Variants in MAF observed in about 807,000 individuals in gnomAD.
The protein encoded by MAF is MAF bZIP transcription factor.
A neutral mutation model predicts 22.0 loss-of-function variants in MAF; 10 were observed. The observed-to-expected ratio is 0.45, with a 90% confidence interval of 0.28 to 0.77. The LOEUF (loss-of-function observed/expected upper bound fraction) is 0.77. Ranked by LOEUF, MAF falls within the 30% of genes least tolerant of loss-of-function variation. The pLI is 0.12. For missense variants in MAF, 544 were observed against 548.4 expected, an observed-to-expected ratio of 0.99 and a Z score of 0.08; for synonymous variants, 337 against 255.8, an observed-to-expected ratio of 1.32 and a Z score of -3.03.
chr16:79,491,831 C>G, the MAF span, among the ~76,000 whole-genome samples: 11 of 152,126 alleles, frequency 7.2e-5, no homozygotes, highest in Non-Finnish European at 1.2e-4. Context: ...ATCTCTTCCT[C>G]TTAAAGAAAT....
the MAF span, among the ~76,000 whole-genome samples, chr16:79,455,983 A>G: frequency 6.6e-6 from 1 of 152,144 alleles, no homozygotes; most frequent in Non-Finnish European, 1.5e-5. Flanking sequence ...TTGCCACTGC[A>G]CTCCAGCCTG....
chr16:79,333,056 GCCTGAA>G, the MAF span, among the ~76,000 whole-genome samples: 1 of 152,214 alleles, frequency 6.6e-6, no homozygotes, highest in African/African-American at 2.4e-5. Flanking sequence ...GTCAGGAATA[GCCTGAA>G]GAGAGTCAGC....
At chr16:79,321,032 T>C in the MAF span, among the ~76,000 whole-genome samples, 2 of 152,176 alleles carry the variant, frequency 1.3e-5, no homozygotes, top group Non-Finnish European at 2.9e-5. Flanking sequence ...CTGATCTCGA[T>C]CTCTTTTGCT....
chr16:79,510,969 G>A, the MAF span, among the ~76,000 whole-genome samples: 2 of 152,200 alleles, frequency 1.3e-5, no homozygotes, highest in Non-Finnish European at 2.9e-5. Context: ...CAGAAAAGAA[G>A]CCCAGCTAAT....
At chr16:79,297,787 G>A in the MAF span, among the ~76,000 whole-genome samples, 2 of 152,218 alleles carry the variant, frequency 1.3e-5, no homozygotes, top group Non-Finnish European at 2.9e-5. Flanking sequence ...CTCTATGCGA[G>A]GGACTGGTGG....
chr16:79,274,928 G>C, the MAF span, among the ~76,000 whole-genome samples: 1 of 152,218 alleles, frequency 6.6e-6, no homozygotes, highest in Non-Finnish European at 1.5e-5. Context: ...GTGTGATTTT[G>C]TGTATGTTGC....
At chr16:79,319,310 T>C in the MAF span, among the ~76,000 whole-genome samples, 1 of 152,228 alleles carries the variant, frequency 6.6e-6, no homozygotes. Context: ...ACTTAATTAA[T>C]TTGATCTTTA....
chr16:79,291,986 C>T, the MAF span, among the ~76,000 whole-genome samples: 1 of 151,252 alleles, frequency 6.6e-6, no homozygotes, highest in Non-Finnish European at 1.5e-5. Flanking sequence ...TGGCATCGTC[C>T]CTCTTTCAAA....
chr16:79,388,419 G>A, the MAF span, among the ~76,000 whole-genome samples: 1 of 152,162 alleles, frequency 6.6e-6, no homozygotes, highest in Non-Finnish European at 1.5e-5. Flanking sequence ...AGGATTCTTA[G>A]AGCAAATGTC....
the MAF span, among the ~76,000 whole-genome samples, chr16:79,221,979 T>C: frequency 1.6e-3 from 237 of 152,318 alleles, 1 homozygote; most frequent in Middle Eastern, 0.02. Flanking sequence ...GAAACGTTTT[T>C]CTTAAAGCAG....
the MAF span, among the ~76,000 whole-genome samples, chr16:79,233,002 G>A: frequency 2.6e-5 from 4 of 151,616 alleles, no homozygotes; most frequent in South Asian, 2.1e-4. Context: ...CTCCATGCAC[G>A]GCTAATGTTT....
At chr16:79,477,848 C>T in the MAF span, among the ~76,000 whole-genome samples, 1 of 152,060 alleles carries the variant, frequency 6.6e-6, no homozygotes, top group Non-Finnish European at 1.5e-5. Flanking sequence ...CCTCAGCCTC[C>T]CTAGTAGCTG....
the MAF span, among the ~76,000 whole-genome samples, chr16:79,342,548 G>A: frequency 5.3e-5 from 8 of 151,738 alleles, no homozygotes; most frequent in Admixed American, 2.0e-4. Context: ...AATCATCACC[G>A]TCACCATCTC....
the MAF span, among the ~76,000 whole-genome samples, chr16:79,532,081 C>A: frequency 6.6e-6 from 1 of 152,014 alleles, no homozygotes; most frequent in African/African-American, 2.4e-5. Context: ...CTATATTGCA[C>A]GGGATTGACT....
chr16:79,272,175 T>C, the MAF span, among the ~76,000 whole-genome samples: 9 of 152,328 alleles, frequency 5.9e-5, no homozygotes, highest in East Asian at 1.2e-3. Flanking sequence ...CAGCTTGATG[T>C]GGCGTCTCTG....
chr16:79,567,122 A>C, the MAF span, among the ~76,000 whole-genome samples: 1 of 152,242 alleles, frequency 6.6e-6, no homozygotes, highest in African/African-American at 2.4e-5. Flanking sequence ...GTTCGAGACC[A>C]GCCTGGCCAA....
chr16:79,263,973 G>A, the MAF span, among the ~76,000 whole-genome samples: 1 of 152,148 alleles, frequency 6.6e-6, no homozygotes, highest in African/African-American at 2.4e-5. Context: ...AGAAGGAAAA[G>A]TCTAGATGTA....
chr16:79,445,066 C>T, the MAF span, among the ~76,000 whole-genome samples: 2 of 152,232 alleles, frequency 1.3e-5, no homozygotes, highest in African/African-American at 4.8e-5. Context: ...CGGAGTCTCA[C>T]TCTGTCGCCC....
the MAF span, among the ~76,000 whole-genome samples, chr16:79,271,782 G>C: frequency 6.6e-6 from 1 of 152,208 alleles, no homozygotes; most frequent in Non-Finnish European, 1.5e-5. Context: ...TGCTTAGTCA[G>C]CATTTTCTTT....
Sources: gnomAD v4.1 joint callset for allele counts (sites outside exome capture counted in the v4.1 genomes callset) on GRCh38, gnomAD v4.1.1 for gene constraint, MANE v1.5 for transcripts, NCBI Gene and HGNC (gene_info 2026-07-23, HGNC 2026-07-21) for gene names.